ALPP: variants seen among roughly 807,000 people sequenced by gnomAD.
ALPP encodes alkaline phosphatase, placental type.
ALPP carries 39 observed loss-of-function variants against 50.7 expected under a neutral mutation model. That is an observed-to-expected ratio of 0.77 (90% CI 0.60 to 1.00). The LOEUF (loss-of-function observed/expected upper bound fraction) is 1.00, where lower values mean the gene tolerates loss of function less well. ALPP is among the 50% of genes least tolerant of loss of function. The pLI is 0.00. For synonymous variants in ALPP, 226 were observed against 320.3 expected (o/e 0.71, Z 3.14); for missense variants, 550 against 746.8 (o/e 0.74, Z 3.07).
chr2:232,380,132 G>A (rs1254315359), intron 5 of ALPP, 54 bp from the exon 6 acceptor site: 10 of 1,612,838 alleles, frequency 6.2e-6, no homozygotes, highest in Non-Finnish European at 8.5e-6. Context: ...CATGAGGAGG[G>A]GGCACGGGGC....
rs1130345 is a variant in ALPP at position 232,379,936 on chromosome 2, C to T, written c.657C>T (p.Asp219=). The change falls in exon 5 of 11, where the codon GAC becomes GAT. Residue 219 remains aspartate, a splice_region_variant and synonymous_variant. Coordinates refer to ENST00000392027, the MANE Select transcript of ALPP (RefSeq NM_001632.5). The part of the protein sequence containing the change: ...ATQLISNMDI[D]VILGGGRKYM... ...AGCTCATCTCCAACATGGACATTGA[C>T]GTGCGACCCCCAGGCCAAGGGCTGG... 2.1e-3 allele frequency: 3,332 copies of T among 1,602,272 alleles called. 66 individuals are homozygous for T. In the African/African-American group the frequency reaches 0.036, roughly 17 times the overall value.
intron 5 of ALPP, 72 bp from the exon 6 acceptor site, chr2:232,380,114 G>C (rs1696678351): frequency 6.2e-7 from 1 of 1,609,572 alleles, no homozygotes; most frequent in Non-Finnish European, 8.5e-7. Flanking sequence ...GGGGAGTCAG[G>C]GGCTGTGCAT....
chr2:232,379,957 G>A (rs776572558), intron 5 of ALPP, 21 bp downstream of exon 5: 9 of 1,591,736 alleles, frequency 5.7e-6, no homozygotes, highest in Non-Finnish European at 6.0e-6. Context: ...CAGGCCAAGG[G>A]CTGGGGCTGG....
rs369873749 is a variant in ALPP, at chr2:232,380,450, C to T, written c.823C>T (p.Leu275Phe). 14 of 1,613,972 alleles carry T rather than the reference C, an allele frequency of 8.7e-6. No individual in the cohort carries two copies. The highest frequency in any genetic ancestry group is 1.1e-5 in the Non-Finnish European group (13 of 1,179,986). Residue 275 changes from leucine (L) to phenylalanine (F), a missense_variant, in exon 7 of 11, where the codon CTC (leucine) becomes TTC (phenylalanine). Leu to Phe is a conservative substitution (Grantham distance 22, BLOSUM62 0). Transcript: ENST00000392027. ...CCGGTATGTGTGGAACCGCACTGAG[C>T]TCATGCAGGCTTCCCTGGACCCGTC... ...GARYVWNRTELMQASLDPSVT... is the reference protein window; with the variant it reads ...GARYVWNRTEFMQASLDPSVT...
Position 232,379,502 on chromosome 2 carries a change from T to G in ALPP, c.310-11T>G, listed in dbSNP as rs756351272. Reference sequence around the variant, plus strand: ...GCCCCAGAGAAGAGCTCAGAGTGTCTCTGTCCCCAGACATACAATGTAGAC... The same window carrying G: ...GCCCCAGAGAAGAGCTCAGAGTGTCGCTGTCCCCAGACATACAATGTAGAC... On this transcript the variant is annotated splice_polypyrimidine_tract_variant and intron_variant, in intron 3 of 10. Coordinates refer to ENST00000392027, the MANE Select transcript of ALPP (RefSeq NM_001632.5). The G allele has an allele frequency of 1.2e-6, 2 of 1,613,800 alleles. No homozygotes were observed. The highest frequency in any genetic ancestry group is 3.3e-5 in the Admixed American group (2 of 59,998).
Position 232,382,114 on chromosome 2 carries a change from C to G in ALPP, c.*319C>G. 2.1e-6 allele frequency: 1 copy of G among 485,868 alleles called. No homozygotes were observed. The highest frequency in any genetic ancestry group is 3.6e-6 in the Non-Finnish European group (1 of 276,146). 30.1% of individuals were successfully genotyped at this position (485,868 alleles called of 1,614,324 possible). On this transcript the variant is annotated 3_prime_UTR_variant, in exon 11 of 11. Transcript: ENST00000392027. ...GCCCAGTGGGTACCAGGCAGGCTCC[C>G]TTCCTGGGGAAAAGAAGCACCCAGA...
At chr2:232,381,427 G>A (rs1373587264) in intron 10 of ALPP, 60 bp downstream of exon 10, 22 of 1,612,526 alleles carry the variant, frequency 1.4e-5, no homozygotes, top group East Asian at 2.2e-5. Flanking sequence ...GGGGGCTGGC[G>A]GGAAGGGGTC....
At position 232,379,932 on chromosome 2, in the gene ALPP, T is replaced by A. The variant is rs1696674845; in HGVS notation, c.653T>A (p.Ile218Asn). The A allele has an allele frequency of 5.6e-6, 9 of 1,604,824 alleles. No individual in the cohort carries two copies. The highest frequency in any genetic ancestry group is 6.8e-6 in the Non-Finnish European group (8 of 1,175,314). The change falls in exon 5 of 11, where the codon ATT becomes AAT. Residue 218 changes from isoleucine (I) to asparagine (N), a missense_variant. By Grantham distance (149) the Ile-to-Asn change is moderately radical. Around this residue, in one of 5 missense-constraint regions of ALPP, gnomAD observed 376 missense variants for 388.5 expected, o/e 0.97. Coordinates refer to ENST00000392027, the MANE Select transcript of ALPP (RefSeq NM_001632.5). ...IATQLISNMD[I>N]DVILGGGRKY... The stretch of plus-strand genomic sequence containing the variant: ...ACGCAGCTCATCTCCAACATGGACA[T>A]TGACGTGCGACCCCCAGGCCAAGGG...
chr2:232,380,342 A>G (rs749970429), intron 6 of ALPP, 22 bp downstream of exon 6: 28 of 1,587,126 alleles, frequency 1.8e-5, no homozygotes, highest in Non-Finnish European at 2.4e-5. Flanking sequence ...TGGCGGGTGC[A>G]GGGGGCACAG....
Position 232,378,963 on chromosome 2 carries a change from CT to C in ALPP, c.77-7del, listed in dbSNP as rs1401243308. 2 of 1,614,016 alleles carry C rather than the reference CT, an allele frequency of 1.2e-6. No homozygotes were observed. The highest frequency in any genetic ancestry group is 1.7e-5 in the Admixed American group (1 of 60,006). On this transcript the variant is annotated splice_region_variant and splice_polypyrimidine_tract_variant and intron_variant, in intron 1 of 10. Coordinates refer to ENST00000392027, the MANE Select transcript of ALPP (RefSeq NM_001632.5). Reference sequence around the variant, plus strand: ...GGCTGACCTGATTTTTGCTCTCCCCCTGGCCAGTTGAGGAGGAGAACCCGGA... The same window carrying C: ...GGCTGACCTGATTTTTGCTCTCCCCCGGCCAGTTGAGGAGGAGAACCCGGA...
chr2:232,380,335 C>T lies in ALPP; in HGVS notation c.792+15C>T, dbSNP rs28733638. 0.078 allele frequency: 124,157 copies of T among 1,583,674 alleles called. 6,010 individuals carry two copies. Among genetic ancestry groups the T allele is most frequent in the East Asian group, 0.17 (7,131 of 41,436 alleles). On this transcript the variant is annotated intron_variant, in intron 6 of 10. Coordinates refer to ENST00000392027, the MANE Select transcript of ALPP (RefSeq NM_001632.5). ...CGAAGCGCCAGGTGATGGGGGCTGG[C>T]GGGTGCAGGGGGCACAGCAGGGGGA... is the stretch of plus-strand genomic sequence containing the variant.
rs559539627 is a variant in ALPP at position 232,379,810 on chromosome 2, G to A, written c.531G>A (p.Ser177=). 3.8e-5 allele frequency: 62 copies of A among 1,613,796 alleles called. No homozygotes were observed. In the East Asian group the frequency reaches 4.7e-4, roughly 12 times the overall value. Residue 177 remains serine (S), a synonymous_variant, in exon 5 of 11, where the codon TCG becomes TCA. Coordinates refer to ENST00000392027, the MANE Select transcript of ALPP (RefSeq NM_001632.5). ...VVTTTRVQHA[S]PAGTYAHTVN... ...CCACCACACGAGTGCAGCACGCCTC[G>A]CCAGCCGGCACCTACGCCCACACGG...
Position 232,381,775 on chromosome 2 carries a change from G to C in ALPP, c.1588G>C (p.Glu530Gln), listed in dbSNP as rs750716621. The C allele has an allele frequency of 1.3e-6, 2 of 1,585,086 alleles. No individual in the cohort carries two copies. Among genetic ancestry groups the C allele is most frequent in the Non-Finnish European group, 1.7e-6 (2 of 1,170,018 alleles). The stretch of plus-strand genomic sequence containing the variant: ...GCTGGCCGGGACCCTGCTGCTGCTG[G>C]AGACGGCCACTGCTCCCTGAGTGTC... The part of the protein sequence containing the change: ...PLLAGTLLLL[E>Q]TATAP Residue 530 changes from glutamate to glutamine, a missense_variant, in exon 11 of 11, where the codon GAG becomes CAG. Physicochemically the swap from Glu to Gln is conservative, Grantham distance 29. Around this residue, in one of 5 missense-constraint regions of ALPP, gnomAD observed 155 missense variants for 167.6 expected, o/e 0.92. Coordinates refer to ENST00000392027, the MANE Select transcript of ALPP (RefSeq NM_001632.5).
chr2:232,380,335 C>A lies in ALPP; in HGVS notation c.792+15C>A, dbSNP rs28733638. On this transcript the variant is annotated intron_variant, in intron 6 of 10. Coordinates refer to ENST00000392027, the MANE Select transcript of ALPP (RefSeq NM_001632.5). ...CGAAGCGCCAGGTGATGGGGGCTGG[C>A]GGGTGCAGGGGGCACAGCAGGGGGA... is the stretch of plus-strand genomic sequence containing the variant. 7.5e-6 allele frequency: 12 copies of A among 1,590,808 alleles called. No homozygotes were observed. The highest frequency in any genetic ancestry group is 2.6e-6 in the Non-Finnish European group (3 of 1,171,674).
In ALPP at chr2:232,379,545, T is replaced by C; in HGVS notation, c.342T>C (p.Ser114=). ...ATGTAGACAAACATGTGCCAGACAGTGGAGCCACAGCCACGGCCTACCTGT... is the reference window on the plus strand; with the variant it reads ...ATGTAGACAAACATGTGCCAGACAGCGGAGCCACAGCCACGGCCTACCTGT... ...TYNVDKHVPD[S]GATATAYLCG... is the part of the protein sequence containing the mutation. Residue 114 remains serine, a synonymous_variant, in exon 4 of 11, where the codon AGT becomes AGC. Transcript: ENST00000392027. 1.2e-6 allele frequency: 2 copies of C among 1,613,976 alleles called. No homozygotes were observed. Among genetic ancestry groups the C allele is most frequent in the Non-Finnish European group, 1.7e-6 (2 of 1,180,022 alleles).
Position 232,381,545 on chromosome 2 carries a change from C to T in ALPP, c.1358C>T (p.Thr453Ile), listed in dbSNP as rs1225912575. Residue 453 changes from threonine (T) to isoleucine (I), a missense_variant, in exon 11 of 11, where the codon ACC becomes ATC. This residue lies in a region of ALPP where 155 missense variants were observed against 167.6 expected (regional missense o/e 0.92). Coordinates refer to ENST00000392027, the MANE Select transcript of ALPP (RefSeq NM_001632.5). The stretch of plus-strand genomic sequence containing the variant: ...TCAGCAGTGCCCCTGGACGAAGAGA[C>T]CCACGCAGGCGAGGACGTGGCGGTG... ...QQSAVPLDEE[T>I]HAGEDVAVFA... The T allele has an allele frequency of 2.4e-5, 38 of 1,613,056 alleles. No homozygotes were observed. The Admixed American group carries it at 5.2e-4, about 22-fold the overall frequency.
rs370642937 is a variant in ALPP, at chr2:232,379,701, C to G, written c.484+14C>G. The G allele has an allele frequency of 1.2e-4, 196 of 1,613,928 alleles. 1 individual carries two copies. In the African/African-American group the frequency reaches 2.1e-3, roughly 17 times the overall value. ...CCAAGAAAGCAGGTGAGCTGGGGCC[C>G]GCTGCTGGGTCACGGCCAGGTCACA... On this transcript the variant is annotated intron_variant, in intron 4 of 10. Coordinates refer to ENST00000392027, the MANE Select transcript of ALPP (RefSeq NM_001632.5).
In ALPP at chr2:232,379,909, G is replaced by C. The variant is rs145336626; in HGVS notation, c.630G>C (p.Thr210=). ...ARQEGCQDIA[T]QLISNMDIDV... is the part of the protein sequence containing the mutation. ...AGGAGGGGTGCCAGGACATCGCTAC[G>C]CAGCTCATCTCCAACATGGACATTG... The change falls in exon 5 of 11, where the codon ACG becomes ACC. Residue 210 remains threonine (T), a synonymous_variant. Coordinates refer to ENST00000392027, the MANE Select transcript of ALPP (RefSeq NM_001632.5). The C allele has an allele frequency of 3.1e-6, 5 of 1,611,752 alleles. No homozygotes were observed. Among genetic ancestry groups the C allele is most frequent in the Non-Finnish European group, 4.2e-6 (5 of 1,179,096 alleles).
chr2:232,381,742 C>A lies in ALPP; in HGVS notation c.1555C>A (p.Leu519Ile). The A allele has an allele frequency of 1.9e-6, 3 of 1,597,516 alleles. No homozygotes were observed. The highest frequency in any genetic ancestry group is 2.6e-6 in the Non-Finnish European group (3 of 1,174,322). Reference sequence around the variant, plus strand: ...GGGGCGGTCCGTGGTCCCCGCGTTGCTTCCTCTGCTGGCCGGGACCCTGCT... The same window carrying A: ...GGGGCGGTCCGTGGTCCCCGCGTTGATTCCTCTGCTGGCCGGGACCCTGCT... ...HPGRSVVPAL[L>I]PLLAGTLLLL... is the part of the protein sequence containing the mutation. Residue 519 changes from leucine (L) to isoleucine (I), a missense_variant, in exon 11 of 11, where the codon CTT (leucine) becomes ATT (isoleucine). Coordinates refer to ENST00000392027, the MANE Select transcript of ALPP (RefSeq NM_001632.5).
Sources: allele counts gnomAD v4.1 joint callset, GRCh38; gene constraint gnomAD v4.1.1; regional missense constraint gnomAD v4.1.1; transcripts MANE v1.5; gene names NCBI Gene and HGNC (gene_info 2026-07-23, HGNC 2026-07-21).